The following MYRIP variants were observed in gnomAD, a reference collection of about 807,000 sequenced individuals.
MYRIP encodes myosin VIIA and Rab interacting protein.
In MYRIP, 49 loss-of-function variants were observed where a neutral mutation model predicts 98.0. The ratio of observed to expected loss-of-function variants is 0.50; its 90% CI spans 0.40 to 0.63. The LOEUF (loss-of-function observed/expected upper bound fraction) is 0.63. Ranked by LOEUF, MYRIP falls within the 30% of genes least tolerant of loss-of-function variation. MYRIP has a pLI of 0.00. For synonymous variants in MYRIP, 404 were observed against 409.5 expected (o/e 0.99, Z 0.16); for missense variants, 1,004 against 1,058.2 (o/e 0.95, Z 0.71).
At chr3:40,045,300 C>T (rs1280238016) in intron 3 of MYRIP, among the ~76,000 whole-genome samples, 2 of 152,100 alleles carry the variant, frequency 1.3e-5, no homozygotes, top group Non-Finnish European at 2.9e-5. Flanking sequence ...TATATATATT[C>T]ATATTCATTC....
chr3:39,862,894 A>G (rs1942513994), intron 1 of MYRIP, among the ~76,000 whole-genome samples: 1 of 152,218 alleles, frequency 6.6e-6, no homozygotes, highest in Non-Finnish European at 1.5e-5. Context: ...AATTGGGCAT[A>G]AAACAATCTT....
chr3:39,929,023 T>C (rs9866949), intron 2 of MYRIP, among the ~76,000 whole-genome samples: 10,354 of 151,444 alleles, frequency 0.068, 643 homozygotes, highest in East Asian at 0.25. Flanking sequence ...TGTGTGTTTG[T>C]GGTCTGTGTG....
At chr3:40,200,359 G>A (rs1272383445) in intron 10 of MYRIP, among the ~76,000 whole-genome samples, 1 of 152,054 alleles carries the variant, frequency 6.6e-6, no homozygotes, top group Non-Finnish European at 1.5e-5. Flanking sequence ...GCCACATGGG[G>A]CACGGGTTGA....
At chr3:40,149,740 A>G (rs532080604) in intron 3 of MYRIP, among the ~76,000 whole-genome samples, 1 of 152,304 alleles carries the variant, frequency 6.6e-6, no homozygotes, top group South Asian at 2.1e-4. Flanking sequence ...AAGCTCTTCC[A>G]TCTGTTCTGA....
chr3:39,979,313 C>T (rs974654353), intron 2 of MYRIP, among the ~76,000 whole-genome samples: 10 of 152,060 alleles, frequency 6.6e-5, no homozygotes, highest in Admixed American at 6.5e-4. Context: ...ATGAGTTTGT[C>T]CCTCTTAGGA....
intron 1 of MYRIP, among the ~76,000 whole-genome samples, chr3:39,828,510 G>T (rs997358750): frequency 1.3e-5 from 2 of 151,814 alleles, no homozygotes; most frequent in East Asian, 3.9e-4. Flanking sequence ...AGTTATTGGG[G>T]TACAGGTGGT....
intron 1 of MYRIP, among the ~76,000 whole-genome samples, chr3:39,879,331 C>G (rs1214683146): frequency 6.6e-6 from 1 of 151,078 alleles, no homozygotes; most frequent in Non-Finnish European, 1.5e-5. Flanking sequence ...ATCCCAACAT[C>G]TGGGTTATCT....
chr3:40,030,880 G>C (rs556574143), intron 2 of MYRIP, among the ~76,000 whole-genome samples: 4 of 152,218 alleles, frequency 2.6e-5, no homozygotes, highest in South Asian at 2.1e-4. Flanking sequence ...AAATGTTACG[G>C]AGTAAGACAG....
At chr3:39,969,583 G>C (rs1220383306) in intron 2 of MYRIP, among the ~76,000 whole-genome samples, 1 of 152,126 alleles carries the variant, frequency 6.6e-6, no homozygotes, top group African/African-American at 2.4e-5. Flanking sequence ...AGATAATCAT[G>C]TGGTTTTTGT....
intron 13 of MYRIP, among the ~76,000 whole-genome samples, chr3:40,249,941 C>T (rs892616321): frequency 2.6e-5 from 4 of 152,148 alleles, no homozygotes; most frequent in Admixed American, 2.0e-4. Flanking sequence ...GGGTCCCCAT[C>T]GTGTCCCCAG....
intron 10 of MYRIP, 22 bp from the exon 11 acceptor site, chr3:40,209,832 C>T: frequency 6.2e-7 from 1 of 1,613,412 alleles, no homozygotes; most frequent in South Asian, 1.1e-5. Flanking sequence ...CTCCTCATCT[C>T]ATGATTCTGG....
At chr3:40,169,142 T>G (rs181951034) in intron 7 of MYRIP, among the ~76,000 whole-genome samples, 5 of 152,296 alleles carry the variant, frequency 3.3e-5, no homozygotes, top group Non-Finnish European at 4.4e-5. Flanking sequence ...CCTACCCACC[T>G]GCAGAGGGGA....
chr3:39,920,493 A>G lies in MYRIP; in HGVS notation c.110+19567A>G, dbSNP rs759419230. On this transcript the variant is annotated intron_variant, in intron 2 of 16. Coordinates refer to ENST00000302541, the MANE Select transcript of MYRIP (RefSeq NM_015460.4). ...TAGCTGCTGAGACATTTTGTTTTTCATTTGAATTAGAGTCTCAGATGTCTT... is the reference window on the plus strand; with the variant it reads ...TAGCTGCTGAGACATTTTGTTTTTCGTTTGAATTAGAGTCTCAGATGTCTT... Among the ~76,000 whole-genome samples, 5 of 152,194 alleles carry G rather than the reference A, an allele frequency of 3.3e-5. No homozygotes were observed. In the East Asian group the frequency reaches 5.8e-4, roughly 18 times the overall value.
intron 2 of MYRIP, among the ~76,000 whole-genome samples, chr3:39,919,417 A>T (rs1429426622): frequency 1.3e-5 from 2 of 152,146 alleles, no homozygotes; most frequent in African/African-American, 4.8e-5. Context: ...AAGTGCTGAG[A>T]GGAGGTGGTA....
rs140629126 is a variant in MYRIP, at chr3:40,030,700, T to C, written c.111-13350T>C. ...ACATGGATAAACGTTGAACACATTA[T>C]GCAAAGTGAAAGAAGCCAGACACAG... On this transcript the variant is annotated intron_variant, in intron 2 of 16. Transcript: ENST00000302541. Among the ~76,000 whole-genome samples the C allele has an allele frequency of 1.1e-4, 17 of 152,302 alleles. No homozygotes were observed. In the East Asian group the frequency reaches 3.1e-3, roughly 28 times the overall value.
rs188698504 is a variant in MYRIP at position 40,234,381 on chromosome 3, G to A, written c.2100+328G>A. Among the ~76,000 whole-genome samples the A allele has an allele frequency of 6.4e-4, 98 of 152,318 alleles. 1 individual carries two copies. The highest frequency in any genetic ancestry group is 3.4e-3 in the Middle Eastern group (1 of 294). On this transcript the variant is annotated intron_variant, in intron 12 of 16. Coordinates refer to ENST00000302541, the MANE Select transcript of MYRIP (RefSeq NM_015460.4). ...CAGCCTGATCCTGCAGGGAGCTCTG[G>A]AGTAGAAGTTGCATCTCAGAGTTGT...
chr3:39,904,766 G>A (rs1246576586), intron 2 of MYRIP, among the ~76,000 whole-genome samples: 4 of 151,514 alleles, frequency 2.6e-5, no homozygotes, highest in Non-Finnish European at 5.9e-5. Flanking sequence ...GCTGCTGTGT[G>A]TAGGTAGTCA....
chr3:40,087,932 A>C (rs559272320), intron 3 of MYRIP, among the ~76,000 whole-genome samples: 1 of 122,296 alleles, frequency 8.2e-6, no homozygotes, highest in Admixed American at 8.8e-5. Flanking sequence ...TCACTACACC[A>C]TTGTCTTGTG....
intron 1 of MYRIP, among the ~76,000 whole-genome samples, chr3:39,837,259 CT>C (rs1335923036): frequency 6.6e-6 from 1 of 152,172 alleles, no homozygotes; most frequent in African/African-American, 2.4e-5. Flanking sequence ...GTTGCCATTA[CT>C]TTTGGCGTTT....
Sources: gnomAD v4.1 joint callset for allele counts (sites outside exome capture counted in the v4.1 genomes callset) on GRCh38, gnomAD v4.1.1 for gene constraint, MANE v1.5 for transcripts, NCBI Gene and HGNC (gene_info 2026-07-23, HGNC 2026-07-21) for gene names.